ZFAND3: variants seen among roughly 807,000 people sequenced by gnomAD.
ZFAND3 encodes AN1-type zinc finger protein 3.
ZFAND3 carries 10 observed loss-of-function variants against 29.6 expected under a neutral mutation model. The observed-to-expected ratio is 0.34, with a 90% CI of 0.21 to 0.57. ZFAND3 has a LOEUF of 0.57. Ranked by LOEUF, ZFAND3 falls within the 20% of genes least tolerant of loss-of-function variation. The pLI is 0.86. For synonymous variants in ZFAND3, 128 were observed against 112.6 expected (o/e 1.14, Z -0.87); for missense variants, 230 against 304.5 (o/e 0.76, Z 1.82).
intron 2 of ZFAND3, among the ~76,000 whole-genome samples, chr6:38,054,107 A>G (rs1325475685): frequency 2.0e-5 from 3 of 151,664 alleles, no homozygotes; most frequent in African/African-American, 4.8e-5. Context: ...TAGGCTGAGC[A>G]TGGTGGCTTA....
intron 5 of ZFAND3, among the ~76,000 whole-genome samples, chr6:38,126,495 A>G (rs1468629327): frequency 6.6e-6 from 1 of 152,188 alleles, no homozygotes; most frequent in Non-Finnish European, 1.5e-5. Context: ...AGCTTATATC[A>G]TTTTATATTC....
At chr6:37,838,795 T>A (rs1400070045) in intron 1 of ZFAND3, among the ~76,000 whole-genome samples, 2 of 152,252 alleles carry the variant, frequency 1.3e-5, no homozygotes, top group Non-Finnish European at 2.9e-5. Flanking sequence ...TACAAGTTTT[T>A]GTGTGAACAC....
At chr6:37,975,318 T>C (rs1762460047) in intron 2 of ZFAND3, among the ~76,000 whole-genome samples, 1 of 152,174 alleles carries the variant, frequency 6.6e-6, no homozygotes, top group South Asian at 2.1e-4. Context: ...ATTTTTAAAT[T>C]GGGTTTTTTT....
At chr6:38,081,012 A>G (rs928744416) in intron 3 of ZFAND3, among the ~76,000 whole-genome samples, 1 of 152,188 alleles carries the variant, frequency 6.6e-6, no homozygotes, top group Non-Finnish European at 1.5e-5. Context: ...TGCATTTCCA[A>G]GTAATACAAG....
chr6:37,843,973 A>G (rs1330720753), intron 1 of ZFAND3, among the ~76,000 whole-genome samples: 1 of 151,902 alleles, frequency 6.6e-6, no homozygotes. Flanking sequence ...GCTGGAGTGC[A>G]ATGGTGTGAT....
At chr6:38,047,336 A>G (rs1763924581) in intron 2 of ZFAND3, among the ~76,000 whole-genome samples, 1 of 151,878 alleles carries the variant, frequency 6.6e-6, no homozygotes, top group South Asian at 2.1e-4. Context: ...AAAGAAAAGA[A>G]ATATTACTTC....
chr6:38,011,816 C>G (rs936107372), intron 2 of ZFAND3, among the ~76,000 whole-genome samples: 1 of 152,066 alleles, frequency 6.6e-6, no homozygotes, highest in Non-Finnish European at 1.5e-5. Flanking sequence ...TATGATCACA[C>G]CTGATCAATT....
At chr6:38,055,563 A>T (rs889971466) in intron 2 of ZFAND3, among the ~76,000 whole-genome samples, 1 of 152,204 alleles carries the variant, frequency 6.6e-6, no homozygotes, top group Admixed American at 6.5e-5. Flanking sequence ...TGCTTGACTC[A>T]CAGGAGGCGC....
chr6:38,147,130 T>C (rs1184161303), intron 5 of ZFAND3, among the ~76,000 whole-genome samples: 1 of 152,206 alleles, frequency 6.6e-6, no homozygotes, highest in Non-Finnish European at 1.5e-5. Context: ...TTTAATCCAC[T>C]TCTCTTCATC....
intron 1 of ZFAND3, among the ~76,000 whole-genome samples, chr6:37,894,298 T>A (rs1415724253): frequency 6.6e-6 from 1 of 152,174 alleles, no homozygotes; most frequent in Non-Finnish European, 1.5e-5. Flanking sequence ...ATTAGAAAAG[T>A]CTGTTTACTT....
intron 2 of ZFAND3, among the ~76,000 whole-genome samples, chr6:38,022,131 C>A (rs1763365001): frequency 6.6e-6 from 1 of 152,162 alleles, no homozygotes; most frequent in Non-Finnish European, 1.5e-5. Context: ...AATGCAGAAT[C>A]TCAGGTCCTG....
At position 38,116,920 on chromosome 6, in the gene ZFAND3, A is replaced by G. The variant is rs541445675; in HGVS notation, c.529+181A>G. 1.1e-4 allele frequency among the ~76,000 whole-genome samples: 17 copies of G among 152,230 alleles called. No homozygotes were observed. The South Asian group carries it at 2.5e-3, about 22-fold the overall frequency. ...AGGAGCATAGTATGTTTGCCTCTAAACACCCTTTATTCTCACACATGCAAA... is the reference window on the plus strand; with the variant it reads ...AGGAGCATAGTATGTTTGCCTCTAAGCACCCTTTATTCTCACACATGCAAA... On this transcript the variant is annotated intron_variant, in intron 5 of 5. Transcript: ENST00000287218.
At chr6:37,880,049 G>A (rs962527796) in intron 1 of ZFAND3, among the ~76,000 whole-genome samples, 1 of 152,150 alleles carries the variant, frequency 6.6e-6, no homozygotes, top group Non-Finnish European at 1.5e-5. Context: ...GATAAGAGAG[G>A]TCAATAAAGC....
chr6:37,965,067 C>G (rs188121679), intron 2 of ZFAND3, among the ~76,000 whole-genome samples: 3 of 152,240 alleles, frequency 2.0e-5, no homozygotes, highest in Admixed American at 1.3e-4. Flanking sequence ...CTTTTCTTCC[C>G]TCAACCTATG....
intron 1 of ZFAND3, among the ~76,000 whole-genome samples, chr6:37,899,665 C>T (rs530938975): frequency 1.1e-3 from 170 of 152,178 alleles, no homozygotes; most frequent in African/African-American, 3.7e-3. Flanking sequence ...TAGAGATGCC[C>T]GTTATTATCT....
intron 1 of ZFAND3, among the ~76,000 whole-genome samples, chr6:37,845,710 C>T (rs1192456497): frequency 6.6e-6 from 1 of 152,186 alleles, no homozygotes; most frequent in Non-Finnish European, 1.5e-5. Flanking sequence ...GGACTTGTCC[C>T]TTCCTTGTAC....
chr6:37,858,863 G>T (rs1764430131), intron 1 of ZFAND3, among the ~76,000 whole-genome samples: 1 of 152,214 alleles, frequency 6.6e-6, no homozygotes. Flanking sequence ...GTGCTCTGCT[G>T]CAAACACCTT....
At chr6:38,061,926 A>G (rs1177365141) in intron 3 of ZFAND3, 151 bp downstream of exon 3, 49 of 979,886 alleles carry the variant, frequency 5.0e-5, no homozygotes, top group Middle Eastern at 3.2e-4. Flanking sequence ...AAGTTAGAGA[A>G]TAAGTTTCAG....
chr6:37,996,187 G>C (rs1028513878), intron 2 of ZFAND3, among the ~76,000 whole-genome samples: 3 of 151,268 alleles, frequency 2.0e-5, no homozygotes, highest in African/African-American at 7.3e-5. Context: ...GGAATTTTAA[G>C]TGCAGATTTT....
Sources: gnomAD v4.1 joint callset for allele counts (sites outside exome capture counted in the v4.1 genomes callset) on GRCh38, gnomAD v4.1.1 for gene constraint, MANE v1.5 for transcripts, NCBI Gene and HGNC (gene_info 2026-07-23, HGNC 2026-07-21) for gene names.